The following ZNF521 variants were observed in gnomAD, a reference collection of about 807,000 sequenced individuals.
ZNF521 encodes the protein LYST-interacting protein 3.
In ZNF521, 14 loss-of-function variants were observed where a neutral mutation model predicts 105.5. That is an observed-to-expected ratio of 0.13 (90% confidence interval 0.09 to 0.21). The LOEUF (loss-of-function observed/expected upper bound fraction) is 0.21, where lower values mean the gene tolerates loss of function less well. ZNF521 is among the 10% of genes least tolerant of loss of function. ZNF521 has a pLI of 1.00. For missense variants in ZNF521, 1,233 were observed against 1,629.7 expected (o/e 0.76, Z 4.19); for synonymous variants, 635 against 606.0 (o/e 1.05, Z -0.70).
At chr18:25,161,862 A>C (rs113440447) in intron 5 of ZNF521, among the ~76,000 whole-genome samples, 3,283 of 152,248 alleles carry the variant, frequency 0.022, 116 homozygotes, top group African/African-American at 0.075. Context: ...TTCTAGCCCA[A>C]AAGACAGACA....
At chr18:25,127,801 T>A (rs1010373844) in intron 5 of ZNF521, among the ~76,000 whole-genome samples, 1 of 151,820 alleles carries the variant, frequency 6.6e-6, no homozygotes, top group African/African-American at 2.4e-5. Context: ...AACAAAAAAA[T>A]TAACCCAATC....
intron 7 of ZNF521, among the ~76,000 whole-genome samples, chr18:25,080,344 C>G (rs1346930303): frequency 6.6e-6 from 1 of 152,224 alleles, no homozygotes; most frequent in East Asian, 1.9e-4. Context: ...GCAAGCACAG[C>G]TTTTAAGCAC....
chr18:25,147,906 C>T (rs187148123), intron 5 of ZNF521, among the ~76,000 whole-genome samples: 2 of 152,270 alleles, frequency 1.3e-5, no homozygotes, highest in South Asian at 2.1e-4. Flanking sequence ...CGTACCCTGT[C>T]CTGACCGAAC....
chr18:25,172,028 G>T lies in ZNF521; in HGVS notation c.3658+23132C>A, dbSNP rs114930075. Among the ~76,000 whole-genome samples the T allele has an allele frequency of 4.0e-5, 6 of 151,846 alleles. No individual in the cohort carries two copies. The South Asian group carries it at 6.3e-4, about 16-fold the overall frequency. The stretch of plus-strand genomic sequence containing the variant: ...GATATGATTCCTGCAGTTCTCTTTT[G>T]GGGGGGAAGAGGGGGCATGAGGTGG... On this transcript the variant is annotated intron_variant, in intron 5 of 7. Coordinates refer to ENST00000361524, the MANE Select transcript of ZNF521 (RefSeq NM_015461.3).
chr18:25,159,750 C>G (rs116692067), intron 5 of ZNF521, among the ~76,000 whole-genome samples: 1 of 152,094 alleles, frequency 6.6e-6, no homozygotes, highest in Non-Finnish European at 1.5e-5. Context: ...AATGTCACAT[C>G]GGGGTCAACA....
chr18:25,216,725 A>G (rs563176649), intron 4 of ZNF521, among the ~76,000 whole-genome samples: 1 of 152,088 alleles, frequency 6.6e-6, no homozygotes, highest in South Asian at 2.1e-4. Context: ...CACCTGATTA[A>G]TTTTTCATTT....
chr18:25,218,319 A>G (rs975474394), intron 4 of ZNF521, among the ~76,000 whole-genome samples: 3 of 151,844 alleles, frequency 2.0e-5, no homozygotes, highest in African/African-American at 7.3e-5. Context: ...AAGATCAGAG[A>G]TTGAACTTAA....
At chr18:25,094,639 T>G (rs2033815419) in intron 5 of ZNF521, among the ~76,000 whole-genome samples, 1 of 152,098 alleles carries the variant, frequency 6.6e-6, no homozygotes, top group Non-Finnish European at 1.5e-5. Context: ...CACTGTGAGG[T>G]CTTTCCTAGT....
chr18:25,146,907 G>GA (rs2034955727), intron 5 of ZNF521, among the ~76,000 whole-genome samples: 1 of 151,994 alleles, frequency 6.6e-6, no homozygotes, highest in Non-Finnish European at 1.5e-5. Context: ...TTGATAGCAG[G>GA]AGTCACATCT....
chr18:25,309,565 A>T (rs892532958), intron 3 of ZNF521, among the ~76,000 whole-genome samples: 4 of 152,254 alleles, frequency 2.6e-5, no homozygotes, highest in African/African-American at 9.6e-5. Context: ...TATTGAATAT[A>T]AATATTAAAC....
chr18:25,237,295 A>G (rs147472889), intron 3 of ZNF521, among the ~76,000 whole-genome samples: 187 of 152,340 alleles, frequency 1.2e-3, no homozygotes, highest in African/African-American at 4.2e-3. Flanking sequence ...CAAAAGTGCT[A>G]ATCGTAGTAA....
At chr18:25,136,651 A>C (rs1166497217) in intron 5 of ZNF521, 2 of 152,308 alleles carry the variant, frequency 1.3e-5, no homozygotes, top group East Asian at 3.8e-4. Context: ...CAGGGACACC[A>C]GAGTTAATCA....
In ZNF521 at chr18:25,226,220, T is replaced by G; in HGVS notation, c.1698A>C (p.Thr566=). Residue 566 remains threonine (T), a synonymous_variant, in exon 4 of 8, where the codon ACA becomes ACC. Coordinates refer to ENST00000361524, the MANE Select transcript of ZNF521 (RefSeq NM_015461.3). The surrounding 1 kb of genome is among the most constrained non-coding windows in gnomAD (Gnocchi z 4.1). ...GAACGCTGTTGAATATTGGCGAATTTGTACAATAGGAACAAGAATAGACTT... is the reference window on the plus strand; with the variant it reads ...GAACGCTGTTGAATATTGGCGAATTGGTACAATAGGAACAAGAATAGACTT... ...VVEVYSCSYC[T]NSPIFNSVLK... is the part of the protein sequence containing the mutation. 1 of 1,614,194 alleles carries G rather than the reference T, an allele frequency of 6.2e-7. No individual in the cohort carries two copies. The highest frequency in any genetic ancestry group is 8.5e-7 in the Non-Finnish European group (1 of 1,180,028).
At chr18:25,267,255 GA>G (rs1909331714) in intron 3 of ZNF521, among the ~76,000 whole-genome samples, 2 of 152,154 alleles carry the variant, frequency 1.3e-5, no homozygotes, top group African/African-American at 2.4e-5. Context: ...GGGCATCTCT[GA>G]AAAAAAGTCA....
At chr18:25,171,648 T>C (rs2035451088) in intron 5 of ZNF521, among the ~76,000 whole-genome samples, 1 of 152,116 alleles carries the variant, frequency 6.6e-6, no homozygotes, top group African/African-American at 2.4e-5. Flanking sequence ...TCTACTGAAA[T>C]CCAATACACA....
chr18:25,307,051 G>A (rs138506064), intron 3 of ZNF521, among the ~76,000 whole-genome samples: 100 of 152,178 alleles, frequency 6.6e-4, no homozygotes, highest in African/African-American at 2.3e-3. Context: ...CAATACAGCT[G>A]AGGAATTCAG....
chr18:25,252,794 C>A (rs912934701), intron 3 of ZNF521, among the ~76,000 whole-genome samples: 1 of 152,100 alleles, frequency 6.6e-6, no homozygotes, highest in East Asian at 1.9e-4. Flanking sequence ...CATAGCGCAT[C>A]CATAATGTGC....
intron 7 of ZNF521, among the ~76,000 whole-genome samples, chr18:25,074,230 G>A (rs4465678): frequency 0.33 from 50,642 of 152,110 alleles, 9,090 homozygotes; most frequent in African/African-American, 0.47. Context: ...CTGTCTCTCT[G>A]GGGACTTATT....
intron 3 of ZNF521, among the ~76,000 whole-genome samples, chr18:25,312,890 G>A (rs1912396999): frequency 6.6e-6 from 1 of 152,002 alleles, no homozygotes; most frequent in South Asian, 2.1e-4. Flanking sequence ...GTAACTGCAT[G>A]GAAGAACTTG....
Sources: allele counts gnomAD v4.1 joint callset (sites outside exome capture counted in the v4.1 genomes callset), GRCh38; gene constraint gnomAD v4.1.1; non-coding constraint Gnocchi (gnomAD v3.1); transcripts MANE v1.5; gene names NCBI Gene and HGNC (gene_info 2026-07-23, HGNC 2026-07-21).